Variants in TRIO observed in about 807,000 individuals in gnomAD.
TRIO encodes the protein trio Rho guanine nucleotide exchange factor.
TRIO carries 58 observed loss-of-function variants against 351.9 expected under a neutral mutation model. That is an observed-to-expected ratio of 0.16 (90% CI 0.13 to 0.21). The LOEUF is 0.21. Ranked by LOEUF, TRIO falls within the 10% of genes least tolerant of loss-of-function variation. TRIO has a pLI of 1.00. For synonymous variants in TRIO, 1,758 were observed against 1,595.7 expected (o/e 1.10, Z -2.42); for missense variants, 3,201 against 4,027.8 (o/e 0.79, Z 5.56).
intron 6 of TRIO, among the ~76,000 whole-genome samples, chr5:14,294,204 A>G (rs1024951475): frequency 2.0e-5 from 3 of 152,164 alleles, no homozygotes; most frequent in Non-Finnish European, 4.4e-5. Flanking sequence ...AAATACAAAT[A>G]AAGCAATATG....
At chr5:14,277,568 A>T (rs1456967062) in intron 2 of TRIO, among the ~76,000 whole-genome samples, 1 of 151,638 alleles carries the variant, frequency 6.6e-6, no homozygotes, top group Non-Finnish European at 1.5e-5. Context: ...ACGGTTGATA[A>T]CACACACACA....
intron 18 of TRIO, among the ~76,000 whole-genome samples, chr5:14,372,945 C>T (rs982234735): frequency 6.6e-6 from 1 of 152,224 alleles, no homozygotes. Flanking sequence ...AGTTGACTCA[C>T]AGTTCCATAG....
intron 48 of TRIO, chr5:14,492,259 A>G (rs1483089830): frequency 2.5e-6 from 1 of 399,584 alleles, no homozygotes; most frequent in East Asian, 5.0e-5. Flanking sequence ...GAGGACTAAG[A>G]TGTTCCCGTG....
At position 14,394,137 on chromosome 5, in the gene TRIO, AT is replaced by A. The variant is rs1238663608; in HGVS notation, c.4311+8del. 7 of 1,566,670 alleles carry A rather than the reference AT, an allele frequency of 4.5e-6. No individual in the cohort carries two copies. The highest frequency in any genetic ancestry group is 6.1e-6 in the Non-Finnish European group (7 of 1,140,728). On this transcript the variant is annotated splice_region_variant and intron_variant, in intron 28 of 56. Transcript: ENST00000344204. ...GTATCAGCTCCTTTTAAAAGTATGTATAATGCGTCTTCAGCCTGTGAAATTT... is the reference window on the plus strand; with the variant it reads ...GTATCAGCTCCTTTTAAAAGTATGTAAATGCGTCTTCAGCCTGTGAAATTT...
intron 55 of TRIO, among the ~76,000 whole-genome samples, chr5:14,505,238 G>A (rs539346810): frequency 1.7e-4 from 26 of 152,370 alleles, no homozygotes; most frequent in African/African-American, 5.8e-4. Context: ...TCGTGGAAAT[G>A]TCAGGAGAGC....
intron 1 of TRIO, among the ~76,000 whole-genome samples, chr5:14,264,092 T>C (rs1337046869): frequency 6.6e-6 from 1 of 152,208 alleles, no homozygotes; most frequent in Non-Finnish European, 1.5e-5. Flanking sequence ...TAACTTCCAT[T>C]GCACAATTAA....
intron 16 of TRIO, 66 bp from the exon 17 acceptor site, chr5:14,368,642 C>G (rs967055733): frequency 1.3e-6 from 2 of 1,528,598 alleles, no homozygotes; most frequent in East Asian, 2.3e-5. Flanking sequence ...CTGTAGCCAT[C>G]CTGGTTCCTT....
chr5:14,349,876 C>T (rs1489890939), intron 11 of TRIO, among the ~76,000 whole-genome samples: 1 of 152,146 alleles, frequency 6.6e-6, no homozygotes, highest in Admixed American at 6.5e-5. Flanking sequence ...TTTCCTCCTC[C>T]CAGCCTCCAC....
At chr5:14,456,174 G>T (rs368939112) in intron 34 of TRIO, among the ~76,000 whole-genome samples, 1 of 152,240 alleles carries the variant, frequency 6.6e-6, no homozygotes, top group African/African-American at 2.4e-5. Context: ...TGCAGGGCCC[G>T]CTGAGCACAC....
chr5:14,507,143 G>A lies in TRIO; in HGVS notation c.8634G>A (p.Leu2878=). 1 of 1,609,280 alleles carries A rather than the reference G, an allele frequency of 6.2e-7. No homozygotes were observed. Among genetic ancestry groups the A allele is most frequent in the Admixed American group, 1.7e-5 (1 of 58,860 alleles). ...VLEMADQGRL[L]DCVVRWGSLT... is the part of the protein sequence containing the mutation. ...TTAGGGCTGACCAGGGTCGCCTCCTGGACTGCGTGGTGCGATGGGGAAGCC... is the reference window on the plus strand; with the variant it reads ...TTAGGGCTGACCAGGGTCGCCTCCTAGACTGCGTGGTGCGATGGGGAAGCC... The change falls in exon 56 of 57, where the codon CTG becomes CTA. Residue 2878 remains leucine, a synonymous_variant. Transcript: ENST00000344204.
chr5:14,264,112 A>G (rs990563835), intron 1 of TRIO, among the ~76,000 whole-genome samples: 16 of 152,372 alleles, frequency 1.1e-4, no homozygotes, highest in Non-Finnish European at 1.9e-4. Context: ...ATACATAATT[A>G]AAACATCAAA....
At chr5:14,364,528 A>T (rs775962488) in intron 14 of TRIO, 122 bp from the exon 15 acceptor site, 29 of 1,251,930 alleles carry the variant, frequency 2.3e-5, no homozygotes, top group African/African-American at 3.0e-5. Context: ...GCCCTTCAGC[A>T]TAATGGCTTG....
At chr5:14,182,111 T>C (rs972814786) in intron 1 of TRIO, among the ~76,000 whole-genome samples, 20 of 149,142 alleles carry the variant, frequency 1.3e-4, no homozygotes, top group Non-Finnish European at 2.7e-4. Context: ...TTTTTTTTTT[T>C]CTTTTCATCC....
At chr5:14,388,544 A>T in intron 23 of TRIO, 69 bp from the exon 24 acceptor site, 1 of 1,441,524 alleles carries the variant, frequency 6.9e-7, no homozygotes, top group Non-Finnish European at 9.6e-7. Context: ...TATTTCATAA[A>T]TCCATAAAAG....
At chr5:14,295,008 T>A (rs941180588) in intron 6 of TRIO, among the ~76,000 whole-genome samples, 6 of 152,182 alleles carry the variant, frequency 3.9e-5, no homozygotes, top group African/African-American at 1.4e-4. Flanking sequence ...ATACAATGCA[T>A]GCGGGTAGCT....
chr5:14,366,260 T>A (rs30783), intron 15 of TRIO, among the ~76,000 whole-genome samples: 133,095 of 152,168 alleles, frequency 0.87, 58,609 homozygotes, highest in African/African-American at 0.96. Flanking sequence ...TGCCACACCT[T>A]ACTATCCAGA....
intron 49 of TRIO, among the ~76,000 whole-genome samples, chr5:14,493,259 A>G (rs1238427818): frequency 3.4e-5 from 5 of 149,132 alleles, no homozygotes; most frequent in Non-Finnish European, 5.9e-5. Context: ...ACACAGGCAC[A>G]CCTCAGGTTG....
chr5:14,498,328 T>C (rs1159673996), intron 52 of TRIO, 77 bp downstream of exon 52: 33 of 1,567,442 alleles, frequency 2.1e-5, no homozygotes, highest in Non-Finnish European at 2.8e-5. Context: ...AAATTCCTCC[T>C]TCACGGATGG....
Position 14,366,982 on chromosome 5 carries a change from A to G in TRIO, c.2874+3A>G, listed in dbSNP as rs747278680. 1.6e-5 allele frequency: 26 copies of G among 1,613,914 alleles called. No individual in the cohort carries two copies. The highest frequency in any genetic ancestry group is 5.3e-5 in the African/African-American group (4 of 74,924). ...AGCAGTTCCAGCATGCCATTGAGGT[A>G]AGGGCGCTGGGCCTGCCTGTGTGTT... On this transcript the variant is annotated splice_donor_region_variant and intron_variant, in intron 16 of 56. Transcript: ENST00000344204.
Sources: gnomAD v4.1 joint callset for allele counts (sites outside exome capture counted in the v4.1 genomes callset) on GRCh38, gnomAD v4.1.1 for gene constraint, MANE v1.5 for transcripts, NCBI Gene and HGNC (gene_info 2026-07-23, HGNC 2026-07-21) for gene names.